The following CRISP3 variants were observed in gnomAD, a reference collection of about 807,000 sequenced individuals.
The protein encoded by CRISP3 is cysteine rich secretory protein 3.
Under a neutral mutation model 36.1 loss-of-function variants are expected in CRISP3, and 33 were observed. The ratio of observed to expected loss-of-function variants is 0.91; its 90% confidence interval spans 0.69 to 1.22. The LOEUF (loss-of-function observed/expected upper bound fraction) is 1.22. CRISP3 is among the 50% of genes most tolerant of loss of function. CRISP3 has a pLI of 0.00. For synonymous variants in CRISP3, 117 were observed against 104.6 expected, an observed-to-expected ratio of 1.12 and a Z score of -0.72; for missense variants, 330 against 301.2, an observed-to-expected ratio of 1.10 and a Z score of -0.71.
At chr6:49,738,365 TAAAA>T (rs2127452785) in intron 1 of CRISP3, among the ~76,000 whole-genome samples, 1 of 152,310 alleles carries the variant, frequency 6.6e-6, no homozygotes, top group Admixed American at 6.5e-5. Context: ...ATATTAGACA[TAAAA>T]ACCACTATAC....
chr6:49,735,355 A>G, intron 4 of CRISP3, 149 bp downstream of exon 4: 1 of 587,806 alleles, frequency 1.7e-6, no homozygotes, highest in Non-Finnish European at 3.0e-6. Flanking sequence ...GGTGCTTCTC[A>G]GAGTTATCTC....
At chr6:49,735,638 C>T (rs1769031487) in intron 3 of CRISP3, 47 bp from the exon 4 acceptor site, 1 of 1,412,332 alleles carries the variant, frequency 7.1e-7, no homozygotes, top group Non-Finnish European at 1.0e-6. Context: ...TCTCAAACCT[C>T]AAAGGAGCAT....
chr6:49,735,557 T>C lies in CRISP3; in HGVS notation c.263A>G (p.Lys88Arg). 2 of 1,612,606 alleles carry C rather than the reference T, an allele frequency of 1.2e-6. No homozygotes were observed. The highest frequency in any genetic ancestry group is 1.7e-6 in the Non-Finnish European group (2 of 1,179,110). Residue 88 changes from lysine (K) to arginine (R), a missense_variant, in exon 4 of 8, where the codon AAG (lysine) becomes AGG (arginine). Physicochemically the swap from Lys to Arg is conservative, Grantham distance 26. Transcript: ENST00000263045. ...TCTGTAATTGCACTGGTTTGCCCAC[T>C]TTTGGGCATTTGCTGCAGCCTCTTT... is the stretch of plus-strand genomic sequence containing the variant. Reference protein sequence around the residue: ...WNKEAAANAQKWANQCNYRHS... With the variant: ...WNKEAAANAQRWANQCNYRHS...
Position 49,744,340 on chromosome 6 carries a change from C to T in CRISP3, c.28G>A (p.Glu10Lys). 1 of 1,532,308 alleles carries T rather than the reference C, an allele frequency of 6.5e-7. No individual in the cohort carries two copies. Among genetic ancestry groups the T allele is most frequent in the South Asian group, 1.2e-5 (1 of 83,828 alleles). The allele number at this position is 1,532,308 out of a possible 1,614,324, so 94.9% of individuals were successfully genotyped here. A position where few individuals can be genotyped will look rare whatever the true frequency, so the allele number is the denominator to read the frequency against. Residue 10 changes from glutamate to lysine, a missense_variant, in exon 1 of 8, where the codon GAA (glutamate) becomes AAA (lysine). Glu to Lys is a moderately conservative substitution (Grantham distance 56). Transcript: ENST00000263045. ...AGGAGTTATCACTTACCAGTGGTTT[C>T]CAGAGCAGGATGAAGTATTTGTTTC... MKQILHPALETTAMTLFPVL... is the reference protein window; with the variant it reads MKQILHPALKTTAMTLFPVL...
chr6:49,735,211 T>C (rs1053114354), intron 4 of CRISP3, among the ~76,000 whole-genome samples: 2 of 152,280 alleles, frequency 1.3e-5, no homozygotes, highest in Admixed American at 6.5e-5. Flanking sequence ...TTCCAGGCTG[T>C]TGATTTTCTA....
chr6:49,740,609 G>T (rs1430404412), intron 1 of CRISP3, among the ~76,000 whole-genome samples: 1 of 131,200 alleles, frequency 7.6e-6, no homozygotes, highest in Admixed American at 9.2e-5. Flanking sequence ...GTGTGTGTGT[G>T]TGTGTTGTGT....
At chr6:49,734,663 C>G (rs13196440) in intron 4 of CRISP3, among the ~76,000 whole-genome samples, 29,595 of 152,040 alleles carry the variant, frequency 0.19, 3,695 homozygotes, top group Non-Finnish European at 0.27. Context: ...TTCTTTCAAT[C>G]TTCTCGTGAC....
intron 1 of CRISP3, 185 bp from the exon 2 acceptor site, chr6:49,737,583 A>G (rs574596212): frequency 3.0e-6 from 2 of 657,196 alleles, no homozygotes; most frequent in East Asian, 5.5e-5. Context: ...CAAAGTATGC[A>G]TTCAACTGGG....
At position 49,733,176 on chromosome 6, in the gene CRISP3, C is replaced by T. The variant is rs774343413; in HGVS notation, c.560+19G>A. The stretch of plus-strand genomic sequence containing the variant: ...TGTATTTAGCATTATTGACAATAAA[C>T]GCTAAAATATATACTTACGCAGGAC... On this transcript the variant is annotated intron_variant, in intron 6 of 7. Transcript: ENST00000263045. 39 of 1,391,124 alleles carry T rather than the reference C, an allele frequency of 2.8e-5. No individual in the cohort carries two copies. The highest frequency in any genetic ancestry group is 1.0e-4 in the Admixed American group (5 of 48,644). 86.2% of individuals were successfully genotyped at this position (1,391,124 alleles called of 1,614,324 possible).
intron 6 of CRISP3, among the ~76,000 whole-genome samples, chr6:49,732,701 C>A (rs1768944871): frequency 6.6e-6 from 1 of 151,932 alleles, no homozygotes; most frequent in South Asian, 2.1e-4. Flanking sequence ...CTTTGAGGTC[C>A]AAGATTTAAT....
chr6:49,733,911 AACAC>A (rs756766734), intron 4 of CRISP3, 63 bp from the exon 5 acceptor site: 20 of 1,382,622 alleles, frequency 1.4e-5, no homozygotes, highest in Non-Finnish European at 1.9e-5. Flanking sequence ...AATACACACA[AACAC>A]ACACACACTA....
intron 5 of CRISP3, 28 bp from the exon 6 acceptor site, chr6:49,733,320 A>C: frequency 7.2e-7 from 1 of 1,394,684 alleles, no homozygotes; most frequent in Non-Finnish European, 1.0e-6. Flanking sequence ...AAGATATGAG[A>C]GCACATTAGA....
chr6:49,733,534 A>C (rs1768967016), intron 5 of CRISP3, among the ~76,000 whole-genome samples, 169 bp downstream of exon 5: 2 of 152,164 alleles, frequency 1.3e-5, no homozygotes, highest in African/African-American at 4.8e-5. Context: ...ATGATCCTGC[A>C]GTCTACTGAA....
chr6:49,742,631 C>CAAAA (rs33995764), intron 1 of CRISP3, among the ~76,000 whole-genome samples: 7 of 71,210 alleles, frequency 9.8e-5, no homozygotes, highest in East Asian at 6.6e-4. Context: ...GACTCCATCT[C>CAAAA]AAAAAAAAAA....
In CRISP3 at chr6:49,744,376, AGAAG is replaced by A. The variant is rs1561911986; in HGVS notation, c.-13_-10del. 8 of 1,533,156 alleles carry A rather than the reference AGAAG, an allele frequency of 5.2e-6. No homozygotes were observed. The highest frequency in any genetic ancestry group is 4.4e-6 in the Non-Finnish European group (5 of 1,145,002). The allele number at this position is 1,533,156 out of a possible 1,614,324, so 95.0% of individuals were successfully genotyped here. On this transcript the variant is annotated 5_prime_UTR_variant, in exon 1 of 8. Transcript: ENST00000263045. ...TGAAGTATTTGTTTCATCTATTGAC[AGAAG>A]GAAGGTGCAGAGAGAGAAGGTTAGA...
In CRISP3 at chr6:49,733,763, A is replaced by G; in HGVS notation, c.402T>C (p.Asn134=). ...QAIQSWFDEY[N]DFDFGVGPKT... ...TTGGCCCTACACCAAAGTCAAAATC[A>G]TTGTACTCATCAAACCAGCTTTGGA... The change falls in exon 5 of 8, where the codon AAT becomes AAC. Residue 134 remains asparagine, a synonymous_variant. Coordinates refer to ENST00000263045, the MANE Select transcript of CRISP3 (RefSeq NM_006061.4). 1.2e-6 allele frequency: 2 copies of G among 1,613,848 alleles called. No individual in the cohort carries two copies. Among genetic ancestry groups the G allele is most frequent in the Middle Eastern group, 1.6e-4 (1 of 6,062 alleles).
rs1310694431 is a variant in CRISP3 at position 49,728,655 on chromosome 6, A to G, written c.*75T>C. The G allele has an allele frequency of 7.6e-7, 1 of 1,320,784 alleles. No homozygotes were observed. Among genetic ancestry groups the G allele is most frequent in the Non-Finnish European group, 1.0e-6 (1 of 993,804 alleles). The allele number at this position is 1,320,784 out of a possible 1,614,324, so 81.8% of individuals were successfully genotyped here. A position where few individuals can be genotyped will look rare whatever the true frequency, so the allele number is the denominator to read the frequency against. ...CAATTTCTCAGCTAGTATATGTTAA[A>G]TCTAAGTAGATGCCAAATCTAAGTA... On this transcript the variant is annotated 3_prime_UTR_variant, in exon 8 of 8. Coordinates refer to ENST00000263045, the MANE Select transcript of CRISP3 (RefSeq NM_006061.4).
intron 1 of CRISP3, among the ~76,000 whole-genome samples, chr6:49,741,149 ACC>A (rs1769191451): frequency 2.9e-5 from 2 of 69,562 alleles, no homozygotes; most frequent in African/African-American, 1.0e-4. Context: ...AAAAAAAACC[ACC>A]AAAAAAAAAA....
chr6:49,739,624 G>GT (rs1465291190), intron 1 of CRISP3, among the ~76,000 whole-genome samples: 1 of 152,086 alleles, frequency 6.6e-6, no homozygotes, highest in Non-Finnish European at 1.5e-5. Flanking sequence ...ACCAATAATG[G>GT]TGACAGAGAG....
Sources: allele counts gnomAD v4.1 joint callset (sites outside exome capture counted in the v4.1 genomes callset), GRCh38; gene constraint gnomAD v4.1.1; transcripts MANE v1.5; gene names NCBI Gene and HGNC (gene_info 2026-07-23, HGNC 2026-07-21).